The following SORCS2 variants were observed in gnomAD, a reference collection of about 807,000 sequenced individuals.
The protein encoded by SORCS2 is sortilin related VPS10 domain containing receptor 2.
Under a neutral mutation model 141.6 loss-of-function variants are expected in SORCS2, and 100 were observed. That is an observed-to-expected ratio of 0.71 (90% confidence interval 0.60 to 0.83). SORCS2 has a LOEUF of 0.83. Ranked by LOEUF, SORCS2 falls within the 40% of genes least tolerant of loss-of-function variation. The pLI is 0.00. For synonymous variants in SORCS2, 789 were observed against 676.9 expected, an observed-to-expected ratio of 1.17 and a Z score of -2.57; for missense variants, 1,646 against 1,560.2, an observed-to-expected ratio of 1.05 and a Z score of -0.93.
chr4:7,477,301 TC>T (rs1730357361), intron 2 of SORCS2, among the ~76,000 whole-genome samples: 7 of 35,436 alleles, frequency 2.0e-4, no homozygotes, highest in Non-Finnish European at 3.5e-4. Context: ...AACAGTGGGG[TC>T]TGACTGAGGA....
intron 2 of SORCS2, chr4:7,430,513 C>A (rs1188068888): frequency 6.6e-6 from 1 of 152,264 alleles, no homozygotes; most frequent in Non-Finnish European, 1.5e-5. Flanking sequence ...TCTGGGACGT[C>A]CCAGGCCTCC....
At position 7,362,130 on chromosome 4, in the gene SORCS2, C is replaced by T. The variant is rs766440026; in HGVS notation, c.481-34158C>T. Among the ~76,000 whole-genome samples the T allele has an allele frequency of 4.9e-4, 74 of 152,080 alleles. 1 individual carries two copies. Among genetic ancestry groups the T allele is most frequent in the Non-Finnish European group, 2.8e-4 (19 of 68,008 alleles). On this transcript the variant is annotated intron_variant, in intron 1 of 26. Transcript: ENST00000507866. ...GAGCATGGAAGGGCCTAGGGAACAG[C>T]CTGTGCAAAGGCAGGGGGCTGTGAG...
intron 2 of SORCS2, among the ~76,000 whole-genome samples, chr4:7,507,489 A>C (rs1732340769): frequency 1.3e-5 from 2 of 152,212 alleles, no homozygotes; most frequent in African/African-American, 4.8e-5. Flanking sequence ...ATTCTTTTAA[A>C]GTTTGTGTAG....
In SORCS2 at chr4:7,228,141, T is replaced by C. The variant is rs560424047; in HGVS notation, c.480+35015T>C. On this transcript the variant is annotated intron_variant, in intron 1 of 26. Coordinates refer to ENST00000507866, the MANE Select transcript of SORCS2 (RefSeq NM_020777.3). ...AAGCTAAGACAAGATGTAGGCAGGG[T>C]TGGTTTTCTTCCGAGGCCCCGCTCC... Among the ~76,000 whole-genome samples, 795 of 152,150 alleles carry C rather than the reference T, an allele frequency of 5.2e-3. 11 individuals carry two copies. Among genetic ancestry groups the C allele is most frequent in the African/African-American group, 0.019 (779 of 41,514 alleles).
At chr4:7,491,888 G>A (rs1234410134) in intron 2 of SORCS2, among the ~76,000 whole-genome samples, 4 of 152,200 alleles carry the variant, frequency 2.6e-5, no homozygotes, top group Non-Finnish European at 5.9e-5. Context: ...CCCAGCTGTG[G>A]GAAGGCAGAC....
intron 1 of SORCS2, among the ~76,000 whole-genome samples, chr4:7,213,573 G>C (rs1875338): frequency 0.35 from 53,671 of 151,982 alleles, 10,183 homozygotes; most frequent in East Asian, 0.54. Flanking sequence ...GCCCCAATCT[G>C]AACCCAAATA....
chr4:7,348,263 G>C (rs1218266649), intron 1 of SORCS2, among the ~76,000 whole-genome samples: 1 of 152,064 alleles, frequency 6.6e-6, no homozygotes, highest in African/African-American at 2.4e-5. Context: ...TTTCTCACAA[G>C]GATTATGAAA....
At chr4:7,296,715 A>G (rs529978522) in intron 1 of SORCS2, among the ~76,000 whole-genome samples, 36 of 152,258 alleles carry the variant, frequency 2.4e-4, no homozygotes, top group African/African-American at 8.7e-4. Context: ...ACAAGTTAAT[A>G]TTCACTAACA....
At chr4:7,333,866 C>T (rs927345763) in intron 1 of SORCS2, among the ~76,000 whole-genome samples, 1 of 152,210 alleles carries the variant, frequency 6.6e-6, no homozygotes, top group African/African-American at 2.4e-5. Context: ...ATTTCTCCAG[C>T]TGGAACTCAC....
chr4:7,724,384 G>A (rs950655118), intron 19 of SORCS2, among the ~76,000 whole-genome samples: 5 of 144,290 alleles, frequency 3.5e-5, no homozygotes, highest in African/African-American at 1.1e-4. Flanking sequence ...GGTGGTGATA[G>A]GGTGTTGGTG....
In SORCS2 at chr4:7,548,973, C is replaced by T. The variant is rs554731176; in HGVS notation, c.648+17344C>T. Among the ~76,000 whole-genome samples the T allele has an allele frequency of 4.6e-5, 7 of 152,264 alleles. No individual in the cohort carries two copies. In the East Asian group the frequency reaches 1.4e-3, roughly 30 times the overall value. ...ATCAGCATAGCCTGGGGAGCTGATG[C>T]TCTCATTGGCTGGGCTTGGGTCGCA... On this transcript the variant is annotated intron_variant, in intron 3 of 26. Coordinates refer to ENST00000507866, the MANE Select transcript of SORCS2 (RefSeq NM_020777.3).
intron 1 of SORCS2, among the ~76,000 whole-genome samples, chr4:7,349,123 A>G (rs897511992): frequency 1.3e-5 from 2 of 152,148 alleles, no homozygotes; most frequent in African/African-American, 4.8e-5. Flanking sequence ...GCAGTATGTT[A>G]GCATACTTCA....
intron 1 of SORCS2, among the ~76,000 whole-genome samples, chr4:7,355,566 C>T (rs1721198663): frequency 6.6e-6 from 1 of 152,102 alleles, no homozygotes; most frequent in South Asian, 2.1e-4. Flanking sequence ...CCCCAGGGGC[C>T]TCAGAGTCCT....
At chr4:7,443,333 C>T (rs1727796051) in intron 2 of SORCS2, among the ~76,000 whole-genome samples, 1 of 152,204 alleles carries the variant, frequency 6.6e-6, no homozygotes, top group Non-Finnish European at 1.5e-5. Context: ...CTGTGGTGCA[C>T]AGCATCTTAG....
chr4:7,259,042 A>G (rs1714133594), intron 1 of SORCS2, among the ~76,000 whole-genome samples: 2 of 152,052 alleles, frequency 1.3e-5, no homozygotes, highest in African/African-American at 4.8e-5. Context: ...TGTCAGATGG[A>G]TAGATTGCAA....
chr4:7,733,235 C>T (rs1200555307), intron 23 of SORCS2, 87 bp from the exon 24 acceptor site: 1 of 1,005,222 alleles, frequency 9.9e-7, no homozygotes, highest in African/African-American at 1.7e-5. Context: ...CCCTCACTCC[C>T]CTCCTGGAGG....
intron 2 of SORCS2, among the ~76,000 whole-genome samples, chr4:7,397,860 G>C (rs897752296): frequency 1.3e-5 from 2 of 152,202 alleles, no homozygotes; most frequent in Non-Finnish European, 2.9e-5. Context: ...AGATGGTCAA[G>C]TCTTCTTCCA....
chr4:7,193,748 T>C lies in SORCS2; in HGVS notation c.480+622T>C, dbSNP rs2108844551. Among the ~76,000 whole-genome samples, 1 of 152,288 alleles carries C rather than the reference T, an allele frequency of 6.6e-6. No homozygotes were observed. The highest frequency in any genetic ancestry group is 1.9e-4 in the East Asian group (1 of 5,154). The stretch of plus-strand genomic sequence containing the variant: ...GATGCACTGGGACCCGCGTACCCCC[T>C]TGGGTTCATACCCACACTGTGCTGG... On this transcript the variant is annotated intron_variant, in intron 1 of 26. Coordinates refer to ENST00000507866, the MANE Select transcript of SORCS2 (RefSeq NM_020777.3). This position sits in a 1 kb window ranked among gnomAD's most constrained non-coding sequence, Gnocchi z 4.8.
chr4:7,687,837 C>T (rs1254053879), intron 10 of SORCS2, among the ~76,000 whole-genome samples: 1 of 152,156 alleles, frequency 6.6e-6, no homozygotes, highest in African/African-American at 2.4e-5. Flanking sequence ...ATTTTCACCA[C>T]CCAAAAAAGG....
Sources: allele counts gnomAD v4.1 joint callset (sites outside exome capture counted in the v4.1 genomes callset), GRCh38; gene constraint gnomAD v4.1.1; non-coding constraint Gnocchi (gnomAD v3.1); transcripts MANE v1.5; gene names NCBI Gene and HGNC (gene_info 2026-07-23, HGNC 2026-07-21).